The following NMNAT2 variants were observed in gnomAD, a reference collection of about 807,000 sequenced individuals.
NMNAT2 encodes the protein nicotinamide nucleotide adenylyltransferase 2, also known as nicotinamide/nicotinic acid mononucleotide adenylyltransferase 2.
Under a neutral mutation model 41.6 loss-of-function variants are expected in NMNAT2, and 11 were observed. The ratio of observed to expected loss-of-function variants is 0.26; its 90% CI spans 0.17 to 0.44. The LOEUF (loss-of-function observed/expected upper bound fraction) is 0.44. Among genes scored for constraint, NMNAT2 ranks in the 20% least tolerant of loss-of-function variants. The pLI is 1.00. For missense variants in NMNAT2, 288 were observed against 407.7 expected (o/e 0.71, Z 2.53); for synonymous variants, 148 against 151.2 (o/e 0.98, Z 0.16).
At chr1:183,294,770 A>G (rs906904214) in intron 1 of NMNAT2, among the ~76,000 whole-genome samples, 2 of 152,148 alleles carry the variant, frequency 1.3e-5, no homozygotes, top group Non-Finnish European at 2.9e-5. Flanking sequence ...AGCCTGGGTG[A>G]CAGAGGGAGA....
At chr1:183,310,370 A>C (rs1662085696) in intron 1 of NMNAT2, among the ~76,000 whole-genome samples, 1 of 152,212 alleles carries the variant, frequency 6.6e-6, no homozygotes, top group African/African-American at 2.4e-5. Context: ...GCACCAGAGT[A>C]ATATAGCAAA....
At chr1:183,328,117 G>A (rs577283029) in intron 1 of NMNAT2, among the ~76,000 whole-genome samples, 9 of 152,230 alleles carry the variant, frequency 5.9e-5, no homozygotes, top group African/African-American at 1.9e-4. Context: ...ACCTGGTCTC[G>A]GACCACACAG....
chr1:183,365,587 C>A (rs1384059654), intron 1 of NMNAT2, among the ~76,000 whole-genome samples: 2 of 151,884 alleles, frequency 1.3e-5, no homozygotes, highest in African/African-American at 2.4e-5. Context: ...TGAAACCCCA[C>A]CTCTACTAAA....
At chr1:183,380,952 A>G (rs1365809988) in intron 1 of NMNAT2, among the ~76,000 whole-genome samples, 1 of 152,128 alleles carries the variant, frequency 6.6e-6, no homozygotes, top group East Asian at 1.9e-4. Flanking sequence ...TGTGTTTTAG[A>G]AAGGTCGATC....
intron 1 of NMNAT2, among the ~76,000 whole-genome samples, chr1:183,343,795 T>A (rs1446329405): frequency 6.6e-6 from 1 of 152,206 alleles, no homozygotes; most frequent in Non-Finnish European, 1.5e-5. Flanking sequence ...CTTTTAAATA[T>A]TCCAGTGACT....
chr1:183,407,392 T>G (rs1326443905), intron 1 of NMNAT2, among the ~76,000 whole-genome samples: 1 of 152,184 alleles, frequency 6.6e-6, no homozygotes, highest in Non-Finnish European at 1.5e-5. Flanking sequence ...TTTTTTTTGG[T>G]TCTGTCTTGC....
At chr1:183,376,201 TTAA>T (rs1663675358) in intron 1 of NMNAT2, among the ~76,000 whole-genome samples, 1 of 152,226 alleles carries the variant, frequency 6.6e-6, no homozygotes, top group Admixed American at 6.5e-5. Flanking sequence ...ATTAATGGTA[TTAA>T]TAATTAATAT....
intron 1 of NMNAT2, among the ~76,000 whole-genome samples, chr1:183,327,635 T>C (rs184731702): frequency 6.6e-6 from 1 of 151,752 alleles, no homozygotes; most frequent in Non-Finnish European, 1.5e-5. Flanking sequence ...TGGGTAGGGG[T>C]GAGTGGTTGA....
intron 1 of NMNAT2, among the ~76,000 whole-genome samples, chr1:183,294,944 A>G (rs1661644609): frequency 6.6e-6 from 1 of 152,214 alleles, no homozygotes; most frequent in African/African-American, 2.4e-5. Context: ...AGTTTTCAGA[A>G]TTACTTTGCT....
At chr1:183,274,576 G>T (rs1206895227) in intron 8 of NMNAT2, among the ~76,000 whole-genome samples, 2 of 151,842 alleles carry the variant, frequency 1.3e-5, no homozygotes, top group Non-Finnish European at 2.9e-5. Flanking sequence ...GCCTCCCAAA[G>T]TGCTGGGATT....
chr1:183,302,192 G>C (rs1661871629), intron 1 of NMNAT2, among the ~76,000 whole-genome samples: 1 of 152,166 alleles, frequency 6.6e-6, no homozygotes, highest in African/African-American at 2.4e-5. Flanking sequence ...TATGTTGAAG[G>C]CTCTGTCCCA....
At chr1:183,412,623 T>A (rs2492288) in intron 1 of NMNAT2, among the ~76,000 whole-genome samples, 5,245 of 152,302 alleles carry the variant, frequency 0.034, 217 homozygotes, top group African/African-American at 0.11. Context: ...CAAATGAAAG[T>A]TAACAGTGGT....
At chr1:183,338,360 T>C (rs760700808) in intron 1 of NMNAT2, among the ~76,000 whole-genome samples, 1 of 106,208 alleles carries the variant, frequency 9.4e-6, no homozygotes, top group Non-Finnish European at 1.9e-5. Flanking sequence ...ACTTTGCACA[T>C]GAAAAAATTA....
intron 1 of NMNAT2, among the ~76,000 whole-genome samples, chr1:183,328,367 A>G (rs993534132): frequency 2.6e-5 from 4 of 152,202 alleles, no homozygotes; most frequent in African/African-American, 9.7e-5. Flanking sequence ...TTTTGAAAAG[A>G]GCCTCTCTGG....
chr1:183,259,783 T>C (rs146856616), intron 10 of NMNAT2, among the ~76,000 whole-genome samples: 1,750 of 152,232 alleles, frequency 0.011, 42 homozygotes, highest in African/African-American at 0.039. Context: ...GTATTTTTAG[T>C]GGAGACGGGG....
intron 5 of NMNAT2, 80 bp downstream of exon 5, chr1:183,286,582 G>T: frequency 7.9e-7 from 1 of 1,263,356 alleles, no homozygotes; most frequent in Non-Finnish European, 1.1e-6. Context: ...CAAGTTCTGG[G>T]TGGATCCCAG....
intron 1 of NMNAT2, among the ~76,000 whole-genome samples, chr1:183,396,838 C>T (rs543397526): frequency 6.6e-6 from 1 of 152,324 alleles, no homozygotes; most frequent in African/African-American, 2.4e-5. Context: ...CTGCCTTATG[C>T]CCCTCAGTCG....
chr1:183,383,848 T>G (rs990681992), intron 1 of NMNAT2, among the ~76,000 whole-genome samples: 1 of 152,218 alleles, frequency 6.6e-6, no homozygotes, highest in African/African-American at 2.4e-5. Flanking sequence ...TCTAGGAAGT[T>G]CCAATCTCTC....
intron 1 of NMNAT2, among the ~76,000 whole-genome samples, chr1:183,402,333 A>G (rs1648834888): frequency 6.6e-6 from 1 of 152,218 alleles, no homozygotes; most frequent in Admixed American, 6.5e-5. Context: ...TTCAGTGTGG[A>G]AAGTTAAATA....
Sources: allele counts gnomAD v4.1 joint callset (sites outside exome capture counted in the v4.1 genomes callset), GRCh38; gene constraint gnomAD v4.1.1; transcripts MANE v1.5; gene names NCBI Gene and HGNC (gene_info 2026-07-23, HGNC 2026-07-21).